Variants in NUP58 observed in about 807,000 individuals in gnomAD.
NUP58 encodes the protein nucleoporin 58.
Under a neutral mutation model 70.1 loss-of-function variants are expected in NUP58, and 17 were observed. That is an observed-to-expected ratio of 0.24 (90% CI 0.17 to 0.36). NUP58 has a LOEUF of 0.36. Among genes scored for constraint, NUP58 ranks in the 10% least tolerant of loss-of-function variants. The probability of loss-of-function intolerance (pLI) is 1.00; values close to 1 mark genes in which losing one functional copy is unlikely to be tolerated. For synonymous variants in NUP58, 275 were observed against 257.6 expected (o/e 1.07, Z -0.65); for missense variants, 644 against 701.5 (o/e 0.92, Z 0.93).
rs1463089136 is a variant in NUP58, at chr13:25,342,063, T to A, written c.*1929T>A. ...GCATTGAAATAAGGAAAATTATTTA[T>A]CTCTGAGCACTAAACTTATTTTTGC... On this transcript the variant is annotated 3_prime_UTR_variant, in exon 16 of 16. Transcript: ENST00000381736. 6.6e-6 allele frequency: 1 copy of A among 152,244 alleles called. No homozygotes were observed. The highest frequency in any genetic ancestry group is 6.5e-5 in the Admixed American group (1 of 15,280). The allele number at this position is 152,244 out of a possible 1,614,324, so 9.4% of individuals were successfully genotyped here. A position where few individuals can be genotyped will look rare whatever the true frequency, so the allele number is the denominator to read the frequency against.
At chr13:25,345,355 C>G (rs2032035541), downstream of NUP58, among the ~76,000 whole-genome samples, 1 of 149,272 alleles carries the variant, frequency 6.7e-6, no homozygotes, top group Non-Finnish European at 1.5e-5. Flanking sequence ...TGTGATTACA[C>G]AGTTCATATG....
intron 7 of NUP58, 132 bp from the exon 8 acceptor site, chr13:25,320,398 T>C: frequency 1.7e-6 from 1 of 587,970 alleles, no homozygotes; most frequent in Non-Finnish European, 3.0e-6. Flanking sequence ...AGCTTTGAAA[T>C]CATCCAGAGA....
chr13:25,337,707 A>T (rs2031832498), intron 14 of NUP58, among the ~76,000 whole-genome samples: 1 of 152,174 alleles, frequency 6.6e-6, no homozygotes, highest in East Asian at 1.9e-4. Flanking sequence ...TTCCACTAAA[A>T]TATAAGACGG....
chr13:25,313,549 T>A, intron 4 of NUP58, 65 bp from the exon 5 acceptor site: 1 of 1,336,244 alleles, frequency 7.5e-7, no homozygotes, highest in South Asian at 2.1e-5. Flanking sequence ...ACATCGTATT[T>A]GTATTTTTCT....
chr13:25,336,442 A>G, intron 13 of NUP58: 2 of 457,540 alleles, frequency 4.4e-6, no homozygotes, highest in Non-Finnish European at 7.2e-6. Flanking sequence ...ATGAAATAAC[A>G]TGATAGTTTT....
chr13:25,320,665 C>A, intron 8 of NUP58, 70 bp downstream of exon 8: 3 of 1,169,700 alleles, frequency 2.6e-6, no homozygotes, highest in East Asian at 4.9e-5. Flanking sequence ...GGGAGCATCT[C>A]TTCCTCCTAA....
intron 1 of NUP58, among the ~76,000 whole-genome samples, chr13:25,306,606 A>G (rs1030382212): frequency 1.3e-5 from 2 of 152,076 alleles, no homozygotes; most frequent in Admixed American, 6.6e-5. Flanking sequence ...TTCTTTATGG[A>G]AGGGCAGCAA....
intron 9 of NUP58, among the ~76,000 whole-genome samples, chr13:25,322,559 A>C (rs1412871083): frequency 1.3e-5 from 2 of 152,258 alleles, no homozygotes; most frequent in Non-Finnish European, 2.9e-5. Context: ...GGTTACAGTT[A>C]AAACTTCATT....
At chr13:25,343,805 G>GTATATATATATATATATA (rs59054918), downstream of NUP58, among the ~76,000 whole-genome samples, 32 of 137,648 alleles carry the variant, frequency 2.3e-4, no homozygotes, top group East Asian at 3.7e-3. Flanking sequence ...ACATATATAT[G>GTATATATATATATATATA]TATATATATA....
intron 1 of NUP58, chr13:25,303,016 GA>G (rs1240184822): frequency 1.3e-5 from 6 of 456,370 alleles, no homozygotes; most frequent in African/African-American, 1.2e-4. Context: ...TAGGTATTAA[GA>G]GTCTTGCTCT....
chr13:25,333,583 T>C (rs1203048388), intron 13 of NUP58: 6 of 985,322 alleles, frequency 6.1e-6, no homozygotes, highest in Non-Finnish European at 7.2e-6. Context: ...TTTTACATTA[T>C]CTTTTCTTTC....
intron 1 of NUP58, among the ~76,000 whole-genome samples, chr13:25,302,705 A>G (rs1007250924): frequency 2.6e-5 from 4 of 152,204 alleles, no homozygotes; most frequent in South Asian, 2.1e-4. Context: ...CACACTGTCA[A>G]CAAGATACTT....
At chr13:25,349,076 C>T (rs144079517) in intron 3 of NUP58, among the ~76,000 whole-genome samples, 34 of 152,262 alleles carry the variant, frequency 2.2e-4, no homozygotes, top group African/African-American at 7.5e-4. Flanking sequence ...TTAGTTTGTA[C>T]CTCTTCACTC....
At chr13:25,334,921 C>T (rs1357853139) in intron 13 of NUP58, 3 of 984,646 alleles carry the variant, frequency 3.0e-6, no homozygotes, top group East Asian at 2.3e-4. Flanking sequence ...GAAATAAGAA[C>T]CTCTCATTGG....
intron 1 of NUP58, among the ~76,000 whole-genome samples, chr13:25,304,503 T>C (rs1003679254): frequency 1.6e-4 from 16 of 97,632 alleles, no homozygotes; most frequent in Non-Finnish European, 3.8e-4. Context: ...TATATATATA[T>C]ATATATATAT....
chr13:25,309,427 G>A (rs919179997), intron 3 of NUP58, 145 bp downstream of exon 3: 1 of 601,462 alleles, frequency 1.7e-6, no homozygotes, highest in African/African-American at 1.9e-5. Flanking sequence ...TGACTTATCG[G>A]AGAACCTTTC....
intron 13 of NUP58, chr13:25,332,646 G>A (rs1013321771): frequency 2.0e-5 from 20 of 985,316 alleles, no homozygotes; most frequent in Non-Finnish European, 2.3e-5. Context: ...ATTTGGAGAT[G>A]ACAGAATTGA....
intron 13 of NUP58, chr13:25,336,333 A>C (rs1029621175): frequency 2.8e-6 from 3 of 1,072,884 alleles, no homozygotes; most frequent in Admixed American, 4.1e-5. Context: ...CAATAAATTT[A>C]ATAAAATAAA....
chr13:25,332,474 C>T (rs1376378101), intron 13 of NUP58: 6 of 983,642 alleles, frequency 6.1e-6, no homozygotes, highest in African/African-American at 1.7e-5. Context: ...GTAATGCTTA[C>T]TATTCAATAG....
Sources: gnomAD v4.1 joint callset for allele counts (sites outside exome capture counted in the v4.1 genomes callset) on GRCh38, gnomAD v4.1.1 for gene constraint, MANE v1.5 for transcripts, NCBI Gene and HGNC (gene_info 2026-07-23, HGNC 2026-07-21) for gene names.